Variants in RASGEF1B observed in about 807,000 individuals in gnomAD.
RASGEF1B encodes the protein ras-GEF domain-containing family member 1B.
RASGEF1B carries 30 observed loss-of-function variants against 65.7 expected under a neutral mutation model. The observed-to-expected ratio is 0.46, with a 90% CI of 0.34 to 0.62. The LOEUF is 0.62. RASGEF1B is among the 20% of genes least tolerant of loss of function. RASGEF1B has a pLI of 0.01. For synonymous variants in RASGEF1B, 175 were observed against 194.8 expected (o/e 0.90, Z 0.85); for missense variants, 495 against 580.1 (o/e 0.85, Z 1.51).
At chr4:81,433,557 C>G (rs1360073588) in intron 12 of RASGEF1B, among the ~76,000 whole-genome samples, 1 of 151,174 alleles carries the variant, frequency 6.6e-6, no homozygotes, top group Non-Finnish European at 1.5e-5. Context: ...TAAGCTCAAG[C>G]AAGAAAAAAA....
intron 6 of RASGEF1B, 140 bp downstream of exon 6, chr4:81,447,364 C>T (rs978384216): frequency 3.4e-5 from 21 of 623,024 alleles, no homozygotes; most frequent in Non-Finnish European, 5.0e-5. Flanking sequence ...ATGAATCAGA[C>T]GTGGCTGATG....
intron 1 of RASGEF1B, among the ~76,000 whole-genome samples, chr4:81,466,560 C>A (rs191250810): frequency 2.0e-5 from 3 of 151,756 alleles, no homozygotes; most frequent in Admixed American, 6.6e-5. Context: ...CAGATCGAGA[C>A]CATCCTGGCT....
intron 1 of RASGEF1B, among the ~76,000 whole-genome samples, chr4:81,466,770 A>AG (rs1553947089): frequency 5.8e-4 from 21 of 36,090 alleles, no homozygotes; most frequent in African/African-American, 2.0e-3. Context: ...AAAAAAAAAA[A>AG]AAAGAAAGAA....
chr4:81,447,375 GA>G (rs925645091), intron 6 of RASGEF1B, 128 bp downstream of exon 6: 723 of 663,614 alleles, frequency 1.1e-3, no homozygotes, highest in South Asian at 2.1e-3. Context: ...GTGGCTGATG[GA>G]AAAAAAAAAT....
intron 1 of RASGEF1B, among the ~76,000 whole-genome samples, chr4:81,468,704 C>T (rs1722930121): frequency 6.6e-6 from 1 of 152,180 alleles, no homozygotes; most frequent in African/African-American, 2.4e-5. Context: ...ATTTCACTCT[C>T]CTCTCTTCAT....
chr4:81,454,544 GA>G (rs1343468323), intron 4 of RASGEF1B: 4 of 152,188 alleles, frequency 2.6e-5, no homozygotes, highest in Admixed American at 1.3e-4. Flanking sequence ...AGCCAGCACT[GA>G]CCCTGCCAAG....
At position 81,432,301 on chromosome 4, in the gene RASGEF1B, TA is replaced by T; in HGVS notation, c.1394del (p.Leu465Ter). The T allele has an allele frequency of 1.2e-6, 2 of 1,600,174 alleles. No homozygotes were observed. Among genetic ancestry groups the T allele is most frequent in the Non-Finnish European group, 1.7e-6 (2 of 1,167,874 alleles). ...NHIEKDRWKSLRSSLLGRV is the reference protein window; with the variant it reads ...NHIEKDRWKSXRSSLLGRV The stretch of plus-strand genomic sequence containing the variant: ...GCAATGAGAAGAATGAGACCCACCT[TA>T]AAGACTTCCATCTGTCTTTCTCTAT... On this transcript the variant is annotated frameshift_variant, in exon 13 of 14. Transcript: ENST00000264400. LOFTEE classifies it high-confidence loss of function.
At chr4:81,447,647 T>G in intron 5 of RASGEF1B, 69 bp from the exon 6 acceptor site, 1 of 1,146,586 alleles carries the variant, frequency 8.7e-7, no homozygotes, top group Non-Finnish European at 1.3e-6. Flanking sequence ...CAACTCCCTC[T>G]ATGACTATTG....
chr4:81,456,642 G>A lies in RASGEF1B; in HGVS notation c.438+9C>T. 1.9e-6 allele frequency: 3 copies of A among 1,614,012 alleles called. No homozygotes were observed. The highest frequency in any genetic ancestry group is 2.5e-6 in the Non-Finnish European group (3 of 1,179,950). Reference sequence around the variant, plus strand: ...ATTCCAGCAGCCGCGCTAAATTCAGGTTACCAACCTCTTCGCCACTGGCTA... The same window carrying A: ...ATTCCAGCAGCCGCGCTAAATTCAGATTACCAACCTCTTCGCCACTGGCTA... On this transcript the variant is annotated intron_variant, in intron 4 of 13. Coordinates refer to ENST00000264400, the MANE Select transcript of RASGEF1B (RefSeq NM_152545.3).
At position 81,445,763 on chromosome 4, in the gene RASGEF1B, C is replaced by A; in HGVS notation, c.805G>T (p.Val269Phe). The A allele has an allele frequency of 6.2e-7, 1 of 1,613,878 alleles. No homozygotes were observed. The highest frequency in any genetic ancestry group is 8.5e-7 in the Non-Finnish European group (1 of 1,179,828). Residue 269 changes from valine to phenylalanine, a missense_variant, in exon 7 of 14, where the codon GTT becomes TTT. By Grantham distance (50) the Val-to-Phe change is conservative (BLOSUM62 -1). Coordinates refer to ENST00000264400, the MANE Select transcript of RASGEF1B (RefSeq NM_152545.3). ...CTCACCATACAGATTTCTGTAGCAACCAAGTAGCTGAGGCGATTAAACCAT... is the reference window on the plus strand; with the variant it reads ...CTCACCATACAGATTTCTGTAGCAAACAAGTAGCTGAGGCGATTAAACCAT... ...VEWFNRLSYL[V>F]ATEICMPVKK...
intron 1 of RASGEF1B, among the ~76,000 whole-genome samples, chr4:81,460,351 C>T (rs982628229): frequency 6.6e-6 from 1 of 152,134 alleles, no homozygotes; most frequent in African/African-American, 2.4e-5. Flanking sequence ...AGGGACGGCA[C>T]CCGGCCCTGA....
chr4:81,451,239 G>A (rs1722246623), intron 4 of RASGEF1B: 1 of 152,168 alleles, frequency 6.6e-6, no homozygotes, highest in Admixed American at 6.5e-5. Context: ...TCTTTGCTAA[G>A]TCTTTCTCAG....
Position 81,427,624 on chromosome 4 carries a change from G to T in RASGEF1B, c.*144C>A. ...AAGTTCTCCATCTGGTCTTGAGTGA[G>T]CTTGTGTGCTTTGCTGACCCGGGTG... On this transcript the variant is annotated 3_prime_UTR_variant, in exon 14 of 14. Coordinates refer to ENST00000264400, the MANE Select transcript of RASGEF1B (RefSeq NM_152545.3). The T allele has an allele frequency of 1.4e-6, 1 of 736,614 alleles. No homozygotes were observed. The highest frequency in any genetic ancestry group is 2.2e-6 in the Non-Finnish European group (1 of 459,220). 45.6% of individuals were successfully genotyped at this position (736,614 alleles called of 1,614,324 possible).
chr4:81,446,271 G>A (rs1162164397), intron 6 of RASGEF1B, among the ~76,000 whole-genome samples: 1 of 152,214 alleles, frequency 6.6e-6, no homozygotes, highest in South Asian at 2.1e-4. Flanking sequence ...AGCTACTTGG[G>A]AGGCTGAAGC....
intron 1 of RASGEF1B, among the ~76,000 whole-genome samples, chr4:81,467,962 C>G (rs1722899545): frequency 6.6e-6 from 1 of 152,174 alleles, no homozygotes; most frequent in Non-Finnish European, 1.5e-5. Context: ...CCACTAGCCA[C>G]AAGTGACTTA....
chr4:81,445,890 TGGA>T, intron 6 of RASGEF1B, 52 bp from the exon 7 acceptor site: 1 of 1,326,282 alleles, frequency 7.5e-7, no homozygotes. Flanking sequence ...AACAATGTAG[TGGA>T]CTCTCATTTT....
intron 6 of RASGEF1B, among the ~76,000 whole-genome samples, chr4:81,446,120 A>T (rs1008323632): frequency 2.6e-5 from 4 of 152,232 alleles, no homozygotes; most frequent in African/African-American, 4.8e-5. Flanking sequence ...CACGCCTGTA[A>T]TCCCAACACT....
At chr4:81,434,849 A>T in intron 10 of RASGEF1B, 115 bp from the exon 11 acceptor site, 1 of 652,970 alleles carries the variant, frequency 1.5e-6, no homozygotes, top group South Asian at 1.8e-5. Context: ...GGCCACAAAG[A>T]ATTAAGGTAC....
chr4:81,459,038 A>G (rs1437302825), intron 2 of RASGEF1B: 1 of 235,878 alleles, frequency 4.2e-6, no homozygotes, highest in Non-Finnish European at 8.1e-6. Context: ...TTTCTATTTA[A>G]GGACTAAGCT....
Sources: gnomAD v4.1 joint callset for allele counts (sites outside exome capture counted in the v4.1 genomes callset) on GRCh38, gnomAD v4.1.1 for gene constraint, MANE v1.5 for transcripts, NCBI Gene and HGNC (gene_info 2026-07-23, HGNC 2026-07-21) for gene names.